ZC3HC1: variants seen among roughly 807,000 people sequenced by gnomAD.
The protein encoded by ZC3HC1 is zinc finger C3HC-type containing 1.
Under a neutral mutation model 61.9 loss-of-function variants are expected in ZC3HC1, and 38 were observed. That is an observed-to-expected ratio of 0.61 (90% CI 0.47 to 0.81). The LOEUF is 0.81. ZC3HC1 is among the 30% of genes least tolerant of loss of function. The pLI, the probability that ZC3HC1 is intolerant of heterozygous loss-of-function variation, is 0.00. For synonymous variants in ZC3HC1, 213 were observed against 229.9 expected, an observed-to-expected ratio of 0.93 and a Z score of 0.67; for missense variants, 554 against 622.7, an observed-to-expected ratio of 0.89 and a Z score of 1.17.
intron 9 of ZC3HC1, among the ~76,000 whole-genome samples, chr7:130,021,803 C>T (rs886936768): frequency 2.0e-5 from 3 of 152,126 alleles, no homozygotes; most frequent in African/African-American, 7.2e-5. Context: ...CAGAACTTGA[C>T]GGAATGCCAT....
chr7:130,026,350 C>A (rs1344123670), intron 5 of ZC3HC1, 38 bp from the exon 6 acceptor site: 1 of 1,582,480 alleles, frequency 6.3e-7, no homozygotes, highest in Non-Finnish European at 8.6e-7. Flanking sequence ...GTTTCAACCA[C>A]CATAAAAAGA....
At position 130,028,999 on chromosome 7, in the gene ZC3HC1, G is replaced by A; in HGVS notation, c.524C>T (p.Pro175Leu). Residue 175 changes from proline to leucine, a missense_variant, in exon 5 of 10, where the codon CCT becomes CTT. Transcript: ENST00000358303. ...TAGGAATTCACTAACAAGAATAGCAGGCTCATCCAGGGGCAACATCCCAAA... is the reference window on the plus strand; with the variant it reads ...TAGGAATTCACTAACAAGAATAGCAAGCTCATCCAGGGGCAACATCCCAAA... Reference protein sequence around the residue: ...DRFGMLPLDEPAILVSEFLDR... With the variant: ...DRFGMLPLDELAILVSEFLDR... 1 of 1,613,592 alleles carries A rather than the reference G, an allele frequency of 6.2e-7. No homozygotes were observed. Among genetic ancestry groups the A allele is most frequent in the Non-Finnish European group, 8.5e-7 (1 of 1,179,670 alleles).
At position 130,051,208 on chromosome 7, in the gene ZC3HC1, C is replaced by G; in HGVS notation, c.146+13G>C. ...CTTCCAACGCCGGACCCAGGGTTAA[C>G]TCGTGAACTCACGCGTCCACGCCTC... On this transcript the variant is annotated intron_variant, in intron 1 of 9. Transcript: ENST00000358303. 6.2e-7 allele frequency: 1 copy of G among 1,603,134 alleles called. No individual in the cohort carries two copies. Among genetic ancestry groups the G allele is most frequent in the Non-Finnish European group, 8.5e-7 (1 of 1,175,772 alleles).
Position 130,051,370 on chromosome 7 carries a change from G to T in ZC3HC1, c.-4C>A, listed in dbSNP as rs1795072318. The T allele has an allele frequency of 6.2e-7, 1 of 1,612,410 alleles. No homozygotes were observed. The highest frequency in any genetic ancestry group is 1.1e-5 in the South Asian group (1 of 90,806). ...GTCCCTCACAGGGCGCCGCCATCTTGGTCCGCTGCCGAGTTGCTTCCCCGA... is the reference window on the plus strand; with the variant it reads ...GTCCCTCACAGGGCGCCGCCATCTTTGTCCGCTGCCGAGTTGCTTCCCCGA... On this transcript the variant is annotated 5_prime_UTR_variant, in exon 1 of 10. Transcript: ENST00000358303.
intron 4 of ZC3HC1, among the ~76,000 whole-genome samples, chr7:130,034,724 C>T (rs1295768755): frequency 6.6e-6 from 1 of 152,084 alleles, no homozygotes; most frequent in East Asian, 1.9e-4. Context: ...CTCCTGGCCG[C>T]AAGTGATCCT....
chr7:130,032,712 A>AGGAAG (rs1335483436), intron 4 of ZC3HC1, among the ~76,000 whole-genome samples: 3 of 103,246 alleles, frequency 2.9e-5, no homozygotes, highest in Non-Finnish European at 3.8e-5. Context: ...GAAGGAAGGA[A>AGGAAG]GGAAGGGAAG....
intron 1 of ZC3HC1, chr7:130,050,540 C>A: frequency 1.4e-6 from 2 of 1,406,080 alleles, no homozygotes; most frequent in South Asian, 2.9e-5. Flanking sequence ...GTAAAAATGA[C>A]ATTTATTTCT....
chr7:130,041,524 CTTTTTT>C (rs71175069), intron 2 of ZC3HC1, among the ~76,000 whole-genome samples: 1 of 128,854 alleles, frequency 7.8e-6, no homozygotes, highest in Non-Finnish European at 1.6e-5. Context: ...TTAACTCATT[CTTTTTT>C]TTTTTTTTTT....
chr7:130,020,900 T>C (rs1437611985), intron 9 of ZC3HC1, among the ~76,000 whole-genome samples: 2 of 151,828 alleles, frequency 1.3e-5, no homozygotes, highest in African/African-American at 4.8e-5. Context: ...CTAATATACA[T>C]TTATTTTTAT....
intron 4 of ZC3HC1, among the ~76,000 whole-genome samples, chr7:130,031,166 C>T (rs1451911932): frequency 3.3e-5 from 5 of 151,420 alleles, no homozygotes; most frequent in Admixed American, 3.3e-4. Context: ...CCCGTCTCTA[C>T]TAAAAATACA....
intron 2 of ZC3HC1, 90 bp from the exon 3 acceptor site, chr7:130,041,191 T>C: frequency 1.4e-6 from 2 of 1,382,248 alleles, no homozygotes; most frequent in Non-Finnish European, 9.6e-7. Context: ...CACATACTGT[T>C]TTTTTTTTGT....
Position 130,034,521 on chromosome 7 carries a change from G to T in ZC3HC1, c.493+4943C>A, listed in dbSNP as rs574633769. Among the ~76,000 whole-genome samples, 13 of 146,872 alleles carry T rather than the reference G, an allele frequency of 8.9e-5. No homozygotes were observed. In the East Asian group the frequency reaches 1.6e-3, roughly 18 times the overall value. ...AAAAAAAAAAAAAAAAAGAGACAGG[G>T]TCTTGCTCTGTCATGCAGGCTGGAA... On this transcript the variant is annotated intron_variant, in intron 4 of 9. Transcript: ENST00000358303.
At chr7:130,039,094 C>T (rs999115621) in intron 4 of ZC3HC1, among the ~76,000 whole-genome samples, 1 of 152,026 alleles carries the variant, frequency 6.6e-6, no homozygotes, top group Admixed American at 6.6e-5. Flanking sequence ...ATCCCAATCC[C>T]AGCACTTTGG....
chr7:130,018,557 C>A lies in ZC3HC1; in HGVS notation c.*107G>T. 2 of 960,246 alleles carry A rather than the reference C, an allele frequency of 2.1e-6. No homozygotes were observed. The allele number at this position is 960,246 out of a possible 1,614,324, so 59.5% of individuals were successfully genotyped here. A position where few individuals can be genotyped will look rare whatever the true frequency, so the allele number is the denominator to read the frequency against. On this transcript the variant is annotated 3_prime_UTR_variant, in exon 10 of 10. Transcript: ENST00000358303. ...ATGGCAGGGGGCTCCTTATGATTAA[C>A]CCAGAACAGGAAAAACTTAGTGTCA...
At chr7:130,043,017 G>A (rs1036364872) in intron 2 of ZC3HC1, among the ~76,000 whole-genome samples, 15 of 152,062 alleles carry the variant, frequency 9.9e-5, no homozygotes, top group South Asian at 2.1e-4. Context: ...GGCCGGGTGC[G>A]GTGGCCCCAG....
At chr7:130,037,196 C>A (rs922122442) in intron 4 of ZC3HC1, among the ~76,000 whole-genome samples, 3 of 152,210 alleles carry the variant, frequency 2.0e-5, no homozygotes, top group African/African-American at 7.2e-5. Context: ...GGCCTCCCAG[C>A]AATTCTGGAG....
chr7:130,033,633 C>A (rs1003464278), intron 4 of ZC3HC1, among the ~76,000 whole-genome samples: 1 of 151,536 alleles, frequency 6.6e-6, no homozygotes, highest in Non-Finnish European at 1.5e-5. Flanking sequence ...TTTGTATTTG[C>A]AATAGAGATG....
At chr7:130,040,182 T>TAA (rs34814353) in intron 3 of ZC3HC1, among the ~76,000 whole-genome samples, 2 of 35,332 alleles carry the variant, frequency 5.7e-5, no homozygotes, top group African/African-American at 2.4e-4. Flanking sequence ...TAGCTTAGTT[T>TAA]AAAAAAAAAA....
chr7:130,021,490 T>A (rs1273163115), intron 9 of ZC3HC1, among the ~76,000 whole-genome samples: 1 of 152,196 alleles, frequency 6.6e-6, no homozygotes, highest in Non-Finnish European at 1.5e-5. Context: ...TTCTCAGTTG[T>A]CACCCACATT....
Sources: gnomAD v4.1 joint callset for allele counts (sites outside exome capture counted in the v4.1 genomes callset) on GRCh38, gnomAD v4.1.1 for gene constraint, MANE v1.5 for transcripts, NCBI Gene and HGNC (gene_info 2026-07-23, HGNC 2026-07-21) for gene names.